ACAD10: variants seen among roughly 807,000 people sequenced by gnomAD.
The protein encoded by ACAD10 is ACAD-10.
Under a neutral mutation model 116.8 loss-of-function variants are expected in ACAD10, and 112 were observed. The ratio of observed to expected loss-of-function variants is 0.96; its 90% CI spans 0.82 to 1.12. The LOEUF is 1.12. Among genes scored for constraint, ACAD10 ranks in the 50% most tolerant of loss-of-function variants. The pLI is 0.00. For missense variants in ACAD10, 1,259 were observed against 1,350.2 expected (o/e 0.93, Z 1.06); for synonymous variants, 486 against 510.6 (o/e 0.95, Z 0.65).
rs1216813648 is a variant in ACAD10 at position 111,712,582 on chromosome 12, G to A, written c.775G>A (p.Val259Met). Reference protein sequence around the residue: ...LRVGVPNTRPVKKTMEIPKDS... With the variant: ...LRVGVPNTRPMKKTMEIPKDS... Reference sequence around the variant, plus strand: ...AGTAGGTGTTCCAAACACTCGGCCTGTGAAAAAGACGATGGAAATTCCGAA... The same window carrying A: ...AGTAGGTGTTCCAAACACTCGGCCTATGAAAAAGACGATGGAAATTCCGAA... The change falls in exon 6 of 21, where the codon GTG becomes ATG. Residue 259 changes from valine to methionine, a missense_variant. Transcript: ENST00000313698. The A allele has an allele frequency of 1.1e-5, 18 of 1,614,154 alleles. No individual in the cohort carries two copies. The highest frequency in any genetic ancestry group is 1.4e-5 in the Non-Finnish European group (17 of 1,180,012).
chr12:111,755,283 T>C (rs1305274581), intron 19 of ACAD10, among the ~76,000 whole-genome samples: 2 of 152,134 alleles, frequency 1.3e-5, no homozygotes, highest in East Asian at 3.9e-4. Context: ...TTGTATTTTT[T>C]AGTAGAGACT....
chr12:111,728,891 C>T (rs1323355620), intron 9 of ACAD10, among the ~76,000 whole-genome samples: 1 of 151,930 alleles, frequency 6.6e-6, no homozygotes, highest in African/African-American at 2.4e-5. Flanking sequence ...GTTTTTGCCA[C>T]ATTGCCCAGG....
intron 18 of ACAD10, 174 bp from the exon 19 acceptor site, chr12:111,753,598 G>A: frequency 1.2e-6 from 1 of 833,452 alleles, no homozygotes; most frequent in South Asian, 1.4e-5. Context: ...CCCTGGACAT[G>A]GCGCATGGCT....
chr12:111,691,691 G>A (rs1301752040), intron 1 of ACAD10, among the ~76,000 whole-genome samples: 1 of 150,096 alleles, frequency 6.7e-6, no homozygotes, highest in Non-Finnish European at 1.5e-5. Context: ...TGCCTCCCAA[G>A]TTCAAGCAAT....
At chr12:111,713,075 G>A (rs1888737104) in intron 6 of ACAD10, among the ~76,000 whole-genome samples, 1 of 152,192 alleles carries the variant, frequency 6.6e-6, no homozygotes, top group African/African-American at 2.4e-5. Flanking sequence ...CACTTTAGGA[G>A]GCCAAGGCAG....
intron 2 of ACAD10, among the ~76,000 whole-genome samples, chr12:111,698,419 T>A (rs1482764354): frequency 2.8e-5 from 4 of 140,362 alleles, no homozygotes; most frequent in South Asian, 2.2e-4. Flanking sequence ...TTTTTTTTTT[T>A]AATATTATTG....
intron 18 of ACAD10, 115 bp from the exon 19 acceptor site, chr12:111,753,657 C>T: frequency 7.2e-7 from 1 of 1,394,760 alleles, no homozygotes; most frequent in Non-Finnish European, 1.0e-6. Context: ...GTTTCACTCT[C>T]CTCCCCTGCC....
chr12:111,700,916 G>T (rs1051450078), intron 2 of ACAD10, among the ~76,000 whole-genome samples: 1 of 151,504 alleles, frequency 6.6e-6, no homozygotes, highest in Admixed American at 6.6e-5. Context: ...AACCCATCAC[G>T]CCAAGCTAAT....
At chr12:111,716,438 G>T (rs549017181) in intron 7 of ACAD10, among the ~76,000 whole-genome samples, 1 of 152,286 alleles carries the variant, frequency 6.6e-6, no homozygotes, top group African/African-American at 2.4e-5. Flanking sequence ...TTTATTAAAA[G>T]CCTCAGCGTT....
At chr12:111,723,319 G>A (rs1420679946) in intron 8 of ACAD10, among the ~76,000 whole-genome samples, 7 of 142,782 alleles carry the variant, frequency 4.9e-5, no homozygotes, top group Non-Finnish European at 7.8e-5. Flanking sequence ...CGGGCGGGGG[G>A]GCTGACCCCC....
chr12:111,711,808 A>T (rs1287396245), intron 5 of ACAD10, among the ~76,000 whole-genome samples: 1 of 152,176 alleles, frequency 6.6e-6, no homozygotes, highest in East Asian at 1.9e-4. Context: ...CACCGCGCCC[A>T]GCTATGCTAA....
At chr12:111,719,592 G>A (rs1038933613) in intron 7 of ACAD10, among the ~76,000 whole-genome samples, 3 of 150,514 alleles carry the variant, frequency 2.0e-5, no homozygotes, top group Non-Finnish European at 4.4e-5. Flanking sequence ...TGCTCTTGTC[G>A]CCCAGGCTGC....
At chr12:111,703,506 G>C (rs1355206053) in intron 3 of ACAD10, among the ~76,000 whole-genome samples, 1 of 152,142 alleles carries the variant, frequency 6.6e-6, no homozygotes, top group Non-Finnish European at 1.5e-5. Flanking sequence ...GGTGATGGTT[G>C]CACGACAACA....
At chr12:111,738,667 G>C (rs1214030154) in intron 12 of ACAD10, among the ~76,000 whole-genome samples, 1 of 151,478 alleles carries the variant, frequency 6.6e-6, no homozygotes, top group Non-Finnish European at 1.5e-5. Flanking sequence ...AGGGATTCAA[G>C]ACCAGCCTGG....
intron 3 of ACAD10, among the ~76,000 whole-genome samples, chr12:111,702,873 T>G (rs1281273631): frequency 6.6e-6 from 1 of 152,032 alleles, no homozygotes; most frequent in Non-Finnish European, 1.5e-5. Context: ...ACAGGAGAAG[T>G]GTTTGAACTC....
At chr12:111,712,975 C>G (rs1461599795) in intron 6 of ACAD10, among the ~76,000 whole-genome samples, 2 of 152,190 alleles carry the variant, frequency 1.3e-5, no homozygotes, top group East Asian at 3.8e-4. Context: ...TTTACAGTTT[C>G]TAATGCTTTG....
rs761182158 is a variant in ACAD10 at position 111,753,596 on chromosome 12, A to T, written c.2818-176A>T. 3 of 820,824 alleles carry T rather than the reference A, an allele frequency of 3.7e-6. 1 individual carries two copies. In the South Asian group the frequency reaches 4.3e-5, roughly 12 times the overall value. The allele number at this position is 820,824 out of a possible 1,614,324, so 50.8% of individuals were successfully genotyped here. A position where few individuals can be genotyped will look rare whatever the true frequency, so the allele number is the denominator to read the frequency against. On this transcript the variant is annotated intron_variant, in intron 18 of 20. Transcript: ENST00000313698. ...TGTGTGTCAGACCTACTCCCTGGAC[A>T]TGGCGCATGGCTGCACACAGGCACC...
intron 12 of ACAD10, among the ~76,000 whole-genome samples, chr12:111,738,015 C>G (rs648300): frequency 0.46 from 69,406 of 151,690 alleles, 20,222 homozygotes; most frequent in East Asian, 0.94. Context: ...ACCATACCCG[C>G]GTCATTTTTT....
chr12:111,742,296 A>G (rs1889766389), intron 12 of ACAD10, among the ~76,000 whole-genome samples: 2 of 152,220 alleles, frequency 1.3e-5, no homozygotes, highest in African/African-American at 4.8e-5. Context: ...AATAAGGAAC[A>G]TAAGGGAGTA....
Sources: gnomAD v4.1 joint callset for allele counts (sites outside exome capture counted in the v4.1 genomes callset) on GRCh38, gnomAD v4.1.1 for gene constraint, MANE v1.5 for transcripts, NCBI Gene and HGNC (gene_info 2026-07-23, HGNC 2026-07-21) for gene names.